BPTF: variants seen among roughly 807,000 people sequenced by gnomAD.
The protein encoded by BPTF is nucleosome-remodeling factor subunit BPTF.
A neutral mutation model predicts 292.5 loss-of-function variants in BPTF; 18 were observed. That is an observed-to-expected ratio of 0.06 (90% CI 0.04 to 0.09). The LOEUF is 0.09. Ranked by LOEUF, BPTF falls within the 10% of genes least tolerant of loss-of-function variation. BPTF has a pLI of 1.00. For missense variants in BPTF, 2,726 were observed against 3,498.7 expected (o/e 0.78, Z 5.57); for synonymous variants, 1,225 against 1,251.9 (o/e 0.98, Z 0.45).
intron 23 of BPTF, among the ~76,000 whole-genome samples, chr17:67,953,368 G>A (rs1308586035): frequency 6.6e-6 from 1 of 150,716 alleles, no homozygotes; most frequent in Non-Finnish European, 1.5e-5. Context: ...CGATTCTCCT[G>A]CCTCAGCCTC....
At chr17:67,877,179 T>G (rs1250855855) in intron 4 of BPTF, among the ~76,000 whole-genome samples, 1 of 152,240 alleles carries the variant, frequency 6.6e-6, no homozygotes, top group African/African-American at 2.4e-5. Context: ...AACGGAGATG[T>G]ATCAGTGACC....
At position 67,931,985 on chromosome 17, in the gene BPTF, G is replaced by A; in HGVS notation, c.6225G>A (p.Lys2075=). The A allele has an allele frequency of 3.1e-6, 5 of 1,614,070 alleles. No homozygotes were observed. Among genetic ancestry groups the A allele is most frequent in the African/African-American group, 1.3e-5 (1 of 75,056 alleles). Residue 2075 remains lysine, a synonymous_variant, in exon 18 of 28, where the codon AAG becomes AAA. Transcript: ENST00000306378. ...CACTCCAACAGTCAACACTAGGAAA[G>A]GCAATTATTCGAACACCTGTGATGG... ...RTPLQQSTLG[K]AIIRTPVMVQ... is the part of the protein sequence containing the mutation.
intron 26 of BPTF, chr17:67,974,874 G>A (rs1431044771): frequency 6.6e-6 from 1 of 152,236 alleles, no homozygotes. Context: ...GCTTCATTAC[G>A]TAGGCATGAG....
In BPTF at chr17:67,825,817, C is replaced by A; in HGVS notation, c.93C>A (p.Pro31=). The change falls in exon 1 of 28, where the codon CCC becomes CCA. Residue 31 remains proline (P), a synonymous_variant. Coordinates refer to ENST00000306378, the MANE Select transcript of BPTF (RefSeq NM_182641.4). ...APAPPPPPPP[P]TSGPIGGLRS... ...CCCCGCCGCCACCGCCGCCGCCGCC[C>A]ACGTCCGGACCCATCGGGGGGCTCC... 9.8e-7 allele frequency: 1 copy of A among 1,023,200 alleles called. No individual in the cohort carries two copies. The highest frequency in any genetic ancestry group is 1.2e-6 in the Non-Finnish European group (1 of 856,472). The allele number at this position is 1,023,200 out of a possible 1,614,324, so 63.4% of individuals were successfully genotyped here. A position where few individuals can be genotyped will look rare whatever the true frequency, so the allele number is the denominator to read the frequency against.
chr17:67,933,511 G>T (rs1051503752), intron 18 of BPTF, among the ~76,000 whole-genome samples: 3 of 151,990 alleles, frequency 2.0e-5, no homozygotes, highest in African/African-American at 7.3e-5. Context: ...GGAGGCTGCA[G>T]TGAAGTATGC....
chr17:67,828,202 C>G (rs1289237535), intron 1 of BPTF, among the ~76,000 whole-genome samples: 1 of 152,020 alleles, frequency 6.6e-6, no homozygotes, highest in Non-Finnish European at 1.5e-5. Flanking sequence ...AATGCTGGGA[C>G]TACAGGTGTG....
intron 23 of BPTF, among the ~76,000 whole-genome samples, chr17:67,954,722 G>C (rs1555680147): frequency 6.6e-6 from 1 of 152,180 alleles, no homozygotes. Context: ...TTTGAAGGGA[G>C]AGGGAAGATC....
intron 4 of BPTF, among the ~76,000 whole-genome samples, chr17:67,881,868 T>TG (rs1567970238): frequency 2.9e-5 from 4 of 139,648 alleles, no homozygotes; most frequent in South Asian, 4.6e-4. Flanking sequence ...GTTTTTTTTT[T>TG]TTTTTTTTTT....
chr17:67,944,518 A>G (rs2065644984), intron 20 of BPTF, 146 bp downstream of exon 20: 3 of 864,648 alleles, frequency 3.5e-6, no homozygotes, highest in Non-Finnish European at 5.3e-6. Context: ...CAGCCTCACA[A>G]CGTCTCGAAG....
At chr17:67,863,870 TTAGC>T (rs2059235629) in intron 2 of BPTF, among the ~76,000 whole-genome samples, 1 of 152,364 alleles carries the variant, frequency 6.6e-6, no homozygotes, top group South Asian at 2.1e-4. Flanking sequence ...AACCTTCTAC[TTAGC>T]TAGCCTAGGT....
At chr17:67,895,455 C>T (rs890608526) in intron 7 of BPTF, among the ~76,000 whole-genome samples, 1 of 148,868 alleles carries the variant, frequency 6.7e-6, no homozygotes, top group Non-Finnish European at 1.5e-5. Flanking sequence ...GTGTTTCCAC[C>T]ACATACATTT....
intron 23 of BPTF, among the ~76,000 whole-genome samples, chr17:67,953,085 C>G (rs2066537677): frequency 6.6e-6 from 1 of 151,782 alleles, no homozygotes; most frequent in African/African-American, 2.4e-5. Flanking sequence ...CCTCAGCTTC[C>G]CGAGTAGCTG....
chr17:67,904,660 G>A, intron 8 of BPTF, 42 bp from the exon 9 acceptor site: 1 of 1,467,864 alleles, frequency 6.8e-7, no homozygotes, highest in Admixed American at 1.9e-5. Context: ...TATAAGCATT[G>A]TTATTCTTAT....
chr17:67,883,020 A>G (rs1439792588), intron 4 of BPTF, among the ~76,000 whole-genome samples: 1 of 144,838 alleles, frequency 6.9e-6, no homozygotes, highest in African/African-American at 2.8e-5. Context: ...AAAAAAAAAA[A>G]GAAAAGAAAA....
rs1047548354 is a variant in BPTF at position 67,825,850 on chromosome 17, G to T, written c.126G>T (p.Arg42=). 3.9e-6 allele frequency: 4 copies of T among 1,014,408 alleles called. No individual in the cohort carries two copies. Among genetic ancestry groups the T allele is most frequent in the Non-Finnish European group, 4.7e-6 (4 of 850,816 alleles). The allele number at this position is 1,014,408 out of a possible 1,614,324, so 62.8% of individuals were successfully genotyped here. A position where few individuals can be genotyped will look rare whatever the true frequency, so the allele number is the denominator to read the frequency against. The change falls in exon 1 of 28, where the codon CGG becomes CGT. Residue 42 remains arginine (R), a synonymous_variant. Coordinates refer to ENST00000306378, the MANE Select transcript of BPTF (RefSeq NM_182641.4). The stretch of plus-strand genomic sequence containing the variant: ...GACCCATCGGGGGGCTCCGCTCGCG[G>T]CACCGCGGCAGCAGCCGGGGCAGGT... The part of the protein sequence containing the change: ...TSGPIGGLRS[R]HRGSSRGRWA...
chr17:67,873,050 G>A (rs1336814752), intron 3 of BPTF, among the ~76,000 whole-genome samples: 1 of 152,054 alleles, frequency 6.6e-6, no homozygotes, highest in African/African-American at 2.4e-5. Context: ...TCACACCAGT[G>A]TACTCCTGAG....
In BPTF at chr17:67,959,768, C is replaced by T. The variant is rs201479457; in HGVS notation, c.8154C>T (p.Asp2718=). The stretch of plus-strand genomic sequence containing the variant: ...AGAGGAAGCGGGAAGAGGAAAAAGA[C>T]TCCAGCTCAAAGTCCAAGAAAAAGA... ...SQKRKREEEK[D]SSSKSKKKKM... The change falls in exon 24 of 28, where the codon GAC becomes GAT. Residue 2718 remains aspartate (D), a synonymous_variant. Transcript: ENST00000306378. 2 of 1,613,716 alleles carry T rather than the reference C, an allele frequency of 1.2e-6. No homozygotes were observed. Among genetic ancestry groups the T allele is most frequent in the Non-Finnish European group, 1.7e-6 (2 of 1,179,842 alleles).
At chr17:67,848,355 T>A (rs1567892841) in intron 1 of BPTF, among the ~76,000 whole-genome samples, 1 of 152,166 alleles carries the variant, frequency 6.6e-6, no homozygotes, top group Non-Finnish European at 1.5e-5. Context: ...TAAAACATGA[T>A]CTGTCCTCTA....
rs1353277570 is a variant in BPTF, at chr17:67,854,229, C to G, written c.903C>G (p.Ser301=). 4 of 1,614,162 alleles carry G rather than the reference C, an allele frequency of 2.5e-6. No homozygotes were observed. Among genetic ancestry groups the G allele is most frequent in the Middle Eastern group, 1.6e-4 (1 of 6,062 alleles). The change falls in exon 2 of 28, where the codon TCC becomes TCG. Residue 301 remains serine, a synonymous_variant. Coordinates refer to ENST00000306378, the MANE Select transcript of BPTF (RefSeq NM_182641.4). The surrounding 1 kb of genome is among the most constrained non-coding windows in gnomAD (Gnocchi z 5.6). ...CAGTTCTGCGTGAAGAAGACACTTC[C>G]AATACTACCTTTGGACCTGCTGATC... ...LKAVLREEDT[S]NTTFGPADLK... is the part of the protein sequence containing the mutation.
Sources: gnomAD v4.1 joint callset for allele counts (sites outside exome capture counted in the v4.1 genomes callset) on GRCh38, gnomAD v4.1.1 for gene constraint, Gnocchi (gnomAD v3.1) non-coding constraint, MANE v1.5 for transcripts, NCBI Gene and HGNC (gene_info 2026-07-23, HGNC 2026-07-21) for gene names.